Variants in SDC4 observed in about 807,000 individuals in gnomAD.
SDC4 encodes the protein syndecan 4, also known as syndecan-4.
In SDC4, 17 loss-of-function variants were observed where a neutral mutation model predicts 20.5. The observed-to-expected ratio is 0.83, with a 90% CI of 0.57 to 1.25. SDC4 has a LOEUF of 1.25. SDC4 is among the 50% of genes most tolerant of loss of function. The pLI is 0.00. For missense variants in SDC4, 241 were observed against 252.3 expected, an observed-to-expected ratio of 0.96 and a Z score of 0.30; for synonymous variants, 107 against 105.3, an observed-to-expected ratio of 1.02 and a Z score of -0.10.
chr20:45,327,487 C>A (rs542410896), intron 4 of SDC4, 72 bp from the exon 5 acceptor site: 79 of 1,490,616 alleles, frequency 5.3e-5, no homozygotes, highest in Middle Eastern at 4.4e-4. Context: ...CCCCTCTTTC[C>A]CCCACTGTCA....
intron 4 of SDC4, 70 bp from the exon 5 acceptor site, chr20:45,327,485 TC>T: frequency 1.3e-6 from 2 of 1,491,480 alleles, no homozygotes; most frequent in Non-Finnish European, 1.8e-6. Flanking sequence ...AACCCCTCTT[TC>T]CCCCACTGTC....
At chr20:45,338,589 T>C (rs758010463) in intron 1 of SDC4, among the ~76,000 whole-genome samples, 19 of 152,212 alleles carry the variant, frequency 1.2e-4, no homozygotes, top group Non-Finnish European at 2.8e-4. Flanking sequence ...AAACAACCCA[T>C]GGGATTAGCA....
At chr20:45,344,403 A>T (rs1243105588) in intron 1 of SDC4, among the ~76,000 whole-genome samples, 1 of 152,172 alleles carries the variant, frequency 6.6e-6, no homozygotes, top group Non-Finnish European at 1.5e-5. Context: ...GTTTGAAAGG[A>T]AATGGGTGAC....
In SDC4 at chr20:45,335,678, G is replaced by T. The variant is rs542843703; in HGVS notation, c.199+104C>A. On this transcript the variant is annotated intron_variant, in intron 2 of 4. Coordinates refer to ENST00000372733, the MANE Select transcript of SDC4 (RefSeq NM_002999.4). ...AAGGAAGAAGGGCACTCTAGGAAAA[G>T]TCCCACAAAAATCCAAGTCTCAAGG... The T allele has an allele frequency of 1.4e-5, 18 of 1,249,688 alleles. No individual in the cohort carries two copies. In the East Asian group the frequency reaches 3.8e-4, roughly 26 times the overall value. 77.4% of individuals were successfully genotyped at this position (1,249,688 alleles called of 1,614,324 possible).
chr20:45,343,354 T>C (rs1987982513), intron 1 of SDC4, among the ~76,000 whole-genome samples: 1 of 152,114 alleles, frequency 6.6e-6, no homozygotes, highest in Non-Finnish European at 1.5e-5. Flanking sequence ...CAAAGTGCTA[T>C]TTGCAATCAC....
chr20:45,342,626 G>A (rs1431684490), intron 1 of SDC4, among the ~76,000 whole-genome samples: 1 of 152,084 alleles, frequency 6.6e-6, no homozygotes, highest in African/African-American at 2.4e-5. Flanking sequence ...AGGGGTGGGG[G>A]CCGCTGAATA....
intron 2 of SDC4, among the ~76,000 whole-genome samples, chr20:45,334,240 G>T (rs571417700): frequency 6.6e-6 from 1 of 151,958 alleles, no homozygotes; most frequent in East Asian, 1.9e-4. Flanking sequence ...CTTGTGATCC[G>T]CCTGCCTTGG....
rs1987757463 is a variant in SDC4, at chr20:45,330,371, A to G, written c.440T>C (p.Leu147Pro). Residue 147 changes from leucine (L) to proline (P), a missense_variant, in exon 4 of 5, where the codon CTG (leucine) becomes CCG (proline). By Grantham distance (98) the Leu-to-Pro change is moderately conservative (BLOSUM62 -3). Transcript: ENST00000372733. ...GSNIFERTEV[L>P]AALIVGGIVG... ...TAAGCAGCATGGGGACTTACCTGCC[A>G]GGACCTCCGTTCTCTCAAAGATGTT... The G allele has an allele frequency of 1.2e-6, 2 of 1,613,960 alleles. No homozygotes were observed. Among genetic ancestry groups the G allele is most frequent in the East Asian group, 2.2e-5 (1 of 44,880 alleles).
In SDC4 at chr20:45,335,910, G is replaced by A. The variant is rs143890097; in HGVS notation, c.71C>T (p.Thr24Ile). 4 of 1,612,408 alleles carry A rather than the reference G, an allele frequency of 2.5e-6. No homozygotes were observed. The highest frequency in any genetic ancestry group is 1.7e-6 in the Non-Finnish European group (2 of 1,179,904). The change falls in exon 2 of 5, where the codon ACT becomes ATT. Residue 24 changes from threonine (T) to isoleucine (I), a missense_variant. Transcript: ENST00000372733. ...GAGGTCCTGGGGGTCGATGACCTCA[G>A]TCTCTCGGATCTAAGATAAAGAAAG... ...VGGVAESIRE[T>I]EVIDPQDLLE... is the part of the protein sequence containing the mutation.
At chr20:45,344,682 C>T (rs558554319) in intron 1 of SDC4, among the ~76,000 whole-genome samples, 93 of 152,272 alleles carry the variant, frequency 6.1e-4, no homozygotes, top group Non-Finnish European at 9.8e-4. Context: ...AATGTCCCCC[C>T]GCCACCCCAA....
At chr20:45,336,427 A>G (rs1192383484) in intron 1 of SDC4, among the ~76,000 whole-genome samples, 1 of 152,176 alleles carries the variant, frequency 6.6e-6, no homozygotes, top group Non-Finnish European at 1.5e-5. Context: ...AAAAATAAAA[A>G]CAGTAAATGA....
intron 1 of SDC4, 83 bp downstream of exon 1, chr20:45,348,242 C>A (rs543520341): frequency 4.9e-6 from 6 of 1,217,004 alleles, no homozygotes; most frequent in Admixed American, 2.0e-5. Flanking sequence ...TCTGCCCCCC[C>A]CCATCCCACG....
At chr20:45,344,678 C>A (rs1329775266) in intron 1 of SDC4, among the ~76,000 whole-genome samples, 1 of 152,158 alleles carries the variant, frequency 6.6e-6, no homozygotes, top group Non-Finnish European at 1.5e-5. Context: ...GCTGAATGTC[C>A]CCCCGCCACC....
intron 2 of SDC4, 149 bp downstream of exon 2, chr20:45,335,633 T>G: frequency 1.3e-6 from 1 of 797,700 alleles, no homozygotes; most frequent in South Asian, 1.7e-5. Flanking sequence ...TCCATTACTT[T>G]TGTTTCCCCT....
At position 45,327,227 on chromosome 20, in the gene SDC4, C is replaced by T. The variant is rs1229703407; in HGVS notation, c.*37G>A. 3 of 1,611,528 alleles carry T rather than the reference C, an allele frequency of 1.9e-6. No individual in the cohort carries two copies. The highest frequency in any genetic ancestry group is 1.7e-5 in the Admixed American group (1 of 59,958). ...CCCTTCAAAATCCCCTGGCTTCCCTCCCCGCTAAAGTCCAAGCCAGTGCCC... is the reference window on the plus strand; with the variant it reads ...CCCTTCAAAATCCCCTGGCTTCCCTTCCCGCTAAAGTCCAAGCCAGTGCCC... On this transcript the variant is annotated 3_prime_UTR_variant, in exon 5 of 5. Transcript: ENST00000372733.
Position 45,330,508 on chromosome 20 carries a change from G to A in SDC4, c.303C>T (p.Thr101=), listed in dbSNP as rs188331002. 155 of 1,614,152 alleles carry A rather than the reference G, an allele frequency of 9.6e-5. No individual in the cohort carries two copies. In the East Asian group the frequency reaches 1.7e-3, roughly 18 times the overall value. The change falls in exon 4 of 5, where the codon ACC becomes ACT. Residue 101 remains threonine (T), a synonymous_variant. Coordinates refer to ENST00000372733, the MANE Select transcript of SDC4 (RefSeq NM_002999.4). The part of the protein sequence containing the change: ...ERAGSGSQVP[T]EPKKLEENEV... The stretch of plus-strand genomic sequence containing the variant: ...CATTCTCCTCTAGTTTCTTGGGTTC[G>A]GTGGGGACTTGGCTCCCAGACCCTG...
intron 1 of SDC4, among the ~76,000 whole-genome samples, chr20:45,347,326 C>A (rs1006367496): frequency 5.9e-5 from 9 of 152,170 alleles, no homozygotes; most frequent in Non-Finnish European, 1.0e-4. Context: ...ACAAAGGGGG[C>A]ACAAAGCTCA....
At chr20:45,345,216 T>C (rs1988013800) in intron 1 of SDC4, 1 of 152,216 alleles carries the variant, frequency 6.6e-6, no homozygotes, top group Non-Finnish European at 1.5e-5. Flanking sequence ...GTTCCTGCCC[T>C]CAGTGTGCGG....
At position 45,342,107 on chromosome 20, in the gene SDC4, A is replaced by C. The variant is rs181067410; in HGVS notation, c.61-6187T>G. Among the ~76,000 whole-genome samples, 1,022 of 152,306 alleles carry C rather than the reference A, an allele frequency of 6.7e-3. 5 individuals are homozygous for C. The highest frequency in any genetic ancestry group is 0.024 in the African/African-American group (985 of 41,554). On this transcript the variant is annotated intron_variant, in intron 1 of 4. Transcript: ENST00000372733. ...GCTTGTAATCTAGGCAGCAGATCCG[A>C]AATCCCTGCTGGATCCGAGGGCTAG...
Sources: allele counts gnomAD v4.1 joint callset (sites outside exome capture counted in the v4.1 genomes callset), GRCh38; gene constraint gnomAD v4.1.1; transcripts MANE v1.5; gene names NCBI Gene and HGNC (gene_info 2026-07-23, HGNC 2026-07-21).